PTPRN2: variants seen among roughly 807,000 people sequenced by gnomAD.
The protein encoded by PTPRN2 is protein tyrosine phosphatase receptor type N2.
PTPRN2 carries 74 observed loss-of-function variants against 118.8 expected under a neutral mutation model. The observed-to-expected ratio is 0.62, with a 90% CI of 0.52 to 0.76. PTPRN2 has a LOEUF of 0.76. Ranked by LOEUF, PTPRN2 falls within the 30% of genes least tolerant of loss-of-function variation. PTPRN2 has a pLI of 0.00. For synonymous variants in PTPRN2, 641 were observed against 608.0 expected (o/e 1.05, Z -0.80); for missense variants, 1,481 against 1,394.4 (o/e 1.06, Z -0.99).
intron 2 of PTPRN2, among the ~76,000 whole-genome samples, chr7:158,381,714 A>G (rs1586525463): frequency 6.6e-6 from 1 of 152,202 alleles, no homozygotes; most frequent in East Asian, 1.9e-4. Flanking sequence ...GTCTGTTTTC[A>G]TGCTGTTGAT....
rs1011745089 is a variant in PTPRN2 at position 157,587,878 on chromosome 7, C to A, written c.2496+7360G>T. ...CCTGGGCTCCCGTGGTGGCTCTCCCCATGCCTGGGTTCCCAAGGTGGCTGT... is the reference window on the plus strand; with the variant it reads ...CCTGGGCTCCCGTGGTGGCTCTCCCAATGCCTGGGTTCCCAAGGTGGCTGT... On this transcript the variant is annotated intron_variant, in intron 17 of 22. Transcript: ENST00000389418. This position sits in a 1 kb window ranked among gnomAD's most constrained non-coding sequence, Gnocchi z 5.3. 6.0e-5 allele frequency among the ~76,000 whole-genome samples: 9 copies of A among 150,740 alleles called. No homozygotes were observed. The highest frequency in any genetic ancestry group is 2.2e-4 in the African/African-American group (9 of 40,938).
At chr7:158,114,686 G>A (rs1469429200) in intron 9 of PTPRN2, among the ~76,000 whole-genome samples, 2 of 152,164 alleles carry the variant, frequency 1.3e-5, no homozygotes, top group African/African-American at 4.8e-5. Context: ...CAAACCCCAG[G>A]GAAAAGAGAA....
At position 157,609,885 on chromosome 7, in the gene PTPRN2, T is replaced by C. The variant is rs1412733302; in HGVS notation, c.2345-5810A>G. Among the ~76,000 whole-genome samples the C allele has an allele frequency of 6.6e-6, 1 of 152,204 alleles. No individual in the cohort carries two copies. The highest frequency in any genetic ancestry group is 1.5e-5 in the Non-Finnish European group (1 of 68,028). On this transcript the variant is annotated intron_variant, in intron 15 of 22. Coordinates refer to ENST00000389418, the MANE Select transcript of PTPRN2 (RefSeq NM_002847.5). This position sits in a 1 kb window ranked among gnomAD's most constrained non-coding sequence, Gnocchi z 4.9. Reference sequence around the variant, plus strand: ...AAGAGACACATCCCACAATTTCTTGTTGATTATTACTATGGCAAAGAGCCT... The same window carrying C: ...AAGAGACACATCCCACAATTTCTTGCTGATTATTACTATGGCAAAGAGCCT...
intron 15 of PTPRN2, among the ~76,000 whole-genome samples, chr7:157,608,502 G>A (rs747427111): frequency 1.1e-4 from 17 of 152,284 alleles, no homozygotes; most frequent in East Asian, 3.9e-4. Flanking sequence ...GGCGGCAACC[G>A]TTCCTCGTGC....
chr7:158,146,526 C>G (rs183395120), intron 6 of PTPRN2, among the ~76,000 whole-genome samples: 1 of 151,942 alleles, frequency 6.6e-6, no homozygotes, highest in Admixed American at 6.6e-5. Context: ...TCAAGACCAT[C>G]CTGACTAACA....
chr7:157,727,066 G>A (rs1376227678), intron 12 of PTPRN2, among the ~76,000 whole-genome samples: 2 of 152,236 alleles, frequency 1.3e-5, no homozygotes, highest in Admixed American at 1.3e-4. Flanking sequence ...AGGGAGAACA[G>A]GGTGGCGGTT....
At chr7:158,303,970 G>A (rs1801084837) in intron 3 of PTPRN2, among the ~76,000 whole-genome samples, 1 of 152,234 alleles carries the variant, frequency 6.6e-6, no homozygotes, top group African/African-American at 2.4e-5. Context: ...CAAGGTGGAT[G>A]GGCTTCAGCT....
intron 12 of PTPRN2, among the ~76,000 whole-genome samples, chr7:157,866,764 G>A (rs1445014068): frequency 6.9e-5 from 10 of 144,264 alleles, no homozygotes; most frequent in African/African-American, 2.1e-4. Flanking sequence ...CCACCACCCC[G>A]CCCCTGAGGC....
intron 12 of PTPRN2, among the ~76,000 whole-genome samples, chr7:157,782,251 T>C (rs1290489150): frequency 1.3e-5 from 2 of 152,174 alleles, no homozygotes; most frequent in African/African-American, 4.8e-5. Flanking sequence ...AGAATTCAGC[T>C]CATGAGCTCA....
intron 17 of PTPRN2, among the ~76,000 whole-genome samples, chr7:157,580,544 GC>G (rs989138121): frequency 1.9e-5 from 2 of 107,984 alleles, no homozygotes; most frequent in African/African-American, 7.4e-5. Context: ...CCCGAGCCGA[GC>G]CCCTGCACAT....
intron 2 of PTPRN2, among the ~76,000 whole-genome samples, chr7:158,374,924 C>T (rs1810383928): frequency 1.3e-5 from 2 of 152,180 alleles, no homozygotes; most frequent in Admixed American, 1.3e-4. Flanking sequence ...CAGATTTCTA[C>T]TATATGTAAC....
intron 12 of PTPRN2, among the ~76,000 whole-genome samples, chr7:157,866,323 C>T (rs1022480510): frequency 2.0e-5 from 3 of 152,154 alleles, no homozygotes; most frequent in Non-Finnish European, 4.4e-5. Context: ...AATACACATA[C>T]ACACACATGC....
At chr7:158,404,697 G>A (rs115793210) in intron 2 of PTPRN2, among the ~76,000 whole-genome samples, 2,616 of 49,398 alleles carry the variant, frequency 0.053, 71 homozygotes, top group African/African-American at 0.17. Context: ...CTCAGCTCCC[G>A]GGCCTCCAGC....
chr7:157,898,816 C>A, intron 11 of PTPRN2, 79 bp from the exon 12 acceptor site: 1 of 1,315,510 alleles, frequency 7.6e-7, no homozygotes, highest in Non-Finnish European at 1.1e-6. Context: ...TATTTTCCTC[C>A]ATTGAAAATT....
chr7:158,213,210 G>A (rs1485785461), intron 3 of PTPRN2, among the ~76,000 whole-genome samples: 1 of 31,710 alleles, frequency 3.2e-5, no homozygotes, highest in Non-Finnish European at 6.5e-5. Context: ...CTGTGCTTGT[G>A]TGTGTGTGTG....
chr7:158,392,533 G>C (rs568079500), intron 2 of PTPRN2, among the ~76,000 whole-genome samples: 1 of 152,180 alleles, frequency 6.6e-6, no homozygotes, highest in Non-Finnish European at 1.5e-5. Context: ...GTGGGGGCAC[G>C]GCCCCAGCAG....
chr7:158,333,716 C>T (rs1250266667), intron 2 of PTPRN2, among the ~76,000 whole-genome samples: 1 of 150,318 alleles, frequency 6.7e-6, no homozygotes, highest in African/African-American at 2.5e-5. Flanking sequence ...AGAGCTGAGG[C>T]CCACAGAGGT....
intron 6 of PTPRN2, among the ~76,000 whole-genome samples, chr7:158,166,607 A>AT (rs1390477818): frequency 7.6e-6 from 1 of 132,220 alleles, no homozygotes; most frequent in Non-Finnish European, 1.6e-5. Context: ...CCTCAGGATC[A>AT]CCTCCCCTCC....
Position 158,523,395 on chromosome 7 carries a change from G to C in PTPRN2, c.113-33610C>G, listed in dbSNP as rs971924523. Among the ~76,000 whole-genome samples, 4 of 133,598 alleles carry C rather than the reference G, an allele frequency of 3.0e-5. No individual in the cohort carries two copies. In the Admixed American group the frequency reaches 3.0e-4, roughly 10 times the overall value. The allele number at this position is 133,598 out of a possible 152,430, so 87.6% of individuals were successfully genotyped here. On this transcript the variant is annotated intron_variant, in intron 1 of 22. Transcript: ENST00000389418. Reference sequence around the variant, plus strand: ...GAGTGGAGTCGTCTGCCCTGGAGCGGAGTCATCTGCCCTGGAGCGGAGTCT... The same window carrying C: ...GAGTGGAGTCGTCTGCCCTGGAGCGCAGTCATCTGCCCTGGAGCGGAGTCT...
Sources: gnomAD v4.1 joint callset for allele counts (sites outside exome capture counted in the v4.1 genomes callset) on GRCh38, gnomAD v4.1.1 for gene constraint, Gnocchi (gnomAD v3.1) non-coding constraint, MANE v1.5 for transcripts, NCBI Gene and HGNC (gene_info 2026-07-23, HGNC 2026-07-21) for gene names.